DYNC1I1: variants seen among roughly 807,000 people sequenced by gnomAD.
The protein encoded by DYNC1I1 is dynein cytoplasmic 1 intermediate chain 1.
Under a neutral mutation model 86.6 loss-of-function variants are expected in DYNC1I1, and 43 were observed. The observed-to-expected ratio is 0.50, with a 90% CI of 0.39 to 0.64. The LOEUF is 0.64. DYNC1I1 is among the 30% of genes least tolerant of loss of function. DYNC1I1 has a pLI of 0.00. For synonymous variants in DYNC1I1, 262 were observed against 283.7 expected (o/e 0.92, Z 0.77); for missense variants, 604 against 788.8 (o/e 0.77, Z 2.81).
intron 1 of DYNC1I1, among the ~76,000 whole-genome samples, chr7:95,799,273 A>G (rs1842101): frequency 0.63 from 96,215 of 151,936 alleles, 31,460 homozygotes; most frequent in African/African-American, 0.79. Context: ...CAGCTACTCG[A>G]GAGGCTGAGG....
At chr7:96,028,049 C>CA in intron 10 of DYNC1I1, 126 bp from the exon 11 acceptor site, 1 of 1,359,520 alleles carries the variant, frequency 7.4e-7, no homozygotes, top group Non-Finnish European at 1.0e-6. Context: ...ACAGTCCCAG[C>CA]TTTAAATTAT....
intron 6 of DYNC1I1, among the ~76,000 whole-genome samples, chr7:95,902,628 C>A (rs1444640571): frequency 6.6e-6 from 1 of 152,094 alleles, no homozygotes; most frequent in African/African-American, 2.4e-5. Flanking sequence ...TTGGGGAAAC[C>A]ATTGCATTTT....
chr7:96,098,053 A>G lies in DYNC1I1; in HGVS notation c.*460A>G, dbSNP rs1791068614. 3 of 989,226 alleles carry G rather than the reference A, an allele frequency of 3.0e-6. No individual in the cohort carries two copies. The highest frequency in any genetic ancestry group is 5.2e-4 in the Middle Eastern group (1 of 1,920). The allele number at this position is 989,226 out of a possible 1,614,324, so 61.3% of individuals were successfully genotyped here. A position where few individuals can be genotyped will look rare whatever the true frequency, so the allele number is the denominator to read the frequency against. ...ACATGGTGACTCACATTATGAATGG[A>G]TTTACTAGAAGAACATTGCTGCTCC... On this transcript the variant is annotated 3_prime_UTR_variant, in exon 17 of 17. Transcript: ENST00000447467.
intron 5 of DYNC1I1, among the ~76,000 whole-genome samples, chr7:95,869,542 T>G (rs984066849): frequency 1.3e-5 from 2 of 152,086 alleles, no homozygotes; most frequent in African/African-American, 4.8e-5. Flanking sequence ...GAGACTAGAA[T>G]CCTGTATTGC....
intron 1 of DYNC1I1, among the ~76,000 whole-genome samples, chr7:95,778,613 C>T (rs773943637): frequency 5.3e-5 from 8 of 152,152 alleles, no homozygotes; most frequent in Non-Finnish European, 1.2e-4. Flanking sequence ...ATTTTCAGTA[C>T]AAGATGGGCT....
At chr7:96,100,033 G>A (rs1344960783), downstream of DYNC1I1, among the ~76,000 whole-genome samples, 1 of 152,128 alleles carries the variant, frequency 6.6e-6, no homozygotes, top group Non-Finnish European at 1.5e-5. Context: ...AAATGTGGTA[G>A]CCAGAAAGAT....
At position 95,907,380 on chromosome 7, in the gene DYNC1I1, G is replaced by T. The variant is rs145965660; in HGVS notation, c.490+37382G>T. On this transcript the variant is annotated intron_variant, in intron 6 of 16. Coordinates refer to ENST00000447467, the MANE Select transcript of DYNC1I1 (RefSeq NM_001135556.2). ...CGTTTATATTTTGGGGGAAACTTTA[G>T]GACTTCTGTCTTCCCGGAGAATAAT... is the stretch of plus-strand genomic sequence containing the variant. Among the ~76,000 whole-genome samples the T allele has an allele frequency of 7.2e-5, 11 of 152,210 alleles. No homozygotes were observed. The East Asian group carries it at 2.1e-3, about 29-fold the overall frequency.
chr7:95,843,994 TG>T (rs757649482), intron 5 of DYNC1I1, among the ~76,000 whole-genome samples: 2 of 152,256 alleles, frequency 1.3e-5, no homozygotes, highest in Non-Finnish European at 2.9e-5. Flanking sequence ...GGAGGGATTA[TG>T]TTTAAAATGT....
At chr7:95,917,030 C>T (rs569913134) in intron 6 of DYNC1I1, among the ~76,000 whole-genome samples, 2 of 152,048 alleles carry the variant, frequency 1.3e-5, no homozygotes, top group South Asian at 2.1e-4. Context: ...TGAGGGCAAC[C>T]GGGTGTGATT....
intron 16 of DYNC1I1, among the ~76,000 whole-genome samples, chr7:96,107,307 G>C (rs373913121): frequency 6.6e-6 from 1 of 152,028 alleles, no homozygotes; most frequent in East Asian, 1.9e-4. Flanking sequence ...TGGGATTACA[G>C]GTGTGAGCCA....
chr7:95,818,795 T>C (rs1795008565), intron 4 of DYNC1I1: 1 of 344,472 alleles, frequency 2.9e-6, no homozygotes, highest in Non-Finnish European at 5.2e-6. Context: ...TTATATTATA[T>C]GTATGTCATC....
chr7:95,935,190 C>CT (rs1792006696), intron 6 of DYNC1I1, among the ~76,000 whole-genome samples: 1 of 151,964 alleles, frequency 6.6e-6, no homozygotes, highest in Non-Finnish European at 1.5e-5. Context: ...ATGAATTTAA[C>CT]TATTTTAGAG....
intron 6 of DYNC1I1, among the ~76,000 whole-genome samples, chr7:95,923,285 A>C (rs1212758717): frequency 3.9e-5 from 6 of 152,120 alleles, no homozygotes; most frequent in Admixed American, 6.6e-5. Flanking sequence ...AAGAACTCTG[A>C]CTTATTCAAT....
intron 6 of DYNC1I1, among the ~76,000 whole-genome samples, chr7:95,927,015 A>G (rs375115948): frequency 1.3e-5 from 2 of 152,198 alleles, no homozygotes; most frequent in Admixed American, 1.3e-4. Flanking sequence ...ATATGACAAT[A>G]CAATGAAATT....
At chr7:95,922,207 TA>T (rs1791628500) in intron 6 of DYNC1I1, among the ~76,000 whole-genome samples, 2 of 152,332 alleles carry the variant, frequency 1.3e-5, no homozygotes, top group South Asian at 4.1e-4. Flanking sequence ...TTTTCTTTTT[TA>T]ATATTAGTGT....
chr7:95,898,042 C>T lies in DYNC1I1; in HGVS notation c.490+28044C>T, dbSNP rs182825028. 2.6e-5 allele frequency among the ~76,000 whole-genome samples: 4 copies of T among 152,322 alleles called. No homozygotes were observed. The East Asian group carries it at 7.7e-4, about 29-fold the overall frequency. On this transcript the variant is annotated intron_variant, in intron 6 of 16. Coordinates refer to ENST00000447467, the MANE Select transcript of DYNC1I1 (RefSeq NM_001135556.2). ...TTCCTGTCAAAGCAACTCATTTATT[C>T]TCTGAGCTCTGCACTTTGATTGGAC...
intron 6 of DYNC1I1, among the ~76,000 whole-genome samples, chr7:95,946,502 G>C (rs1331262265): frequency 6.6e-6 from 1 of 152,114 alleles, no homozygotes. Flanking sequence ...ATCTTCATCA[G>C]CACCCTAGAA....
intron 16 of DYNC1I1, among the ~76,000 whole-genome samples, chr7:96,104,070 TG>T (rs1791178381): frequency 6.6e-6 from 1 of 152,218 alleles, no homozygotes; most frequent in South Asian, 2.1e-4. Flanking sequence ...GTGTGATTAT[TG>T]GCCACATTTA....
intron 5 of DYNC1I1, among the ~76,000 whole-genome samples, chr7:95,851,511 A>G (rs576907745): frequency 1.3e-5 from 2 of 152,330 alleles, no homozygotes; most frequent in Non-Finnish European, 2.9e-5. Context: ...AAGAGGGGCT[A>G]CTGTATTGAT....
Sources: gnomAD v4.1 joint callset for allele counts (sites outside exome capture counted in the v4.1 genomes callset) on GRCh38, gnomAD v4.1.1 for gene constraint, MANE v1.5 for transcripts, NCBI Gene and HGNC (gene_info 2026-07-23, HGNC 2026-07-21) for gene names.